CSRP2: variants seen among roughly 807,000 people sequenced by gnomAD.
CSRP2 encodes cysteine and glycine-rich protein 2.
A neutral mutation model predicts 24.6 loss-of-function variants in CSRP2; 18 were observed. The ratio of observed to expected loss-of-function variants is 0.73; its 90% CI spans 0.51 to 1.09. CSRP2 has a LOEUF of 1.09. Ranked by LOEUF, CSRP2 falls within the 50% of genes least tolerant of loss-of-function variation. CSRP2 has a pLI of 0.00. For missense variants in CSRP2, 215 were observed against 239.4 expected, an observed-to-expected ratio of 0.90 and a Z score of 0.67; for synonymous variants, 87 against 84.3, an observed-to-expected ratio of 1.03 and a Z score of -0.18.
intron 1 of CSRP2, among the ~76,000 whole-genome samples, chr12:76,871,128 A>AT (rs1207332296): frequency 6.6e-6 from 1 of 152,078 alleles, no homozygotes; most frequent in Non-Finnish European, 1.5e-5. Flanking sequence ...CTCCACCGTT[A>AT]TAATAGCTGC....
At chr12:76,868,937 GAAAA>G (rs980686297) in intron 1 of CSRP2, among the ~76,000 whole-genome samples, 38 of 61,276 alleles carry the variant, frequency 6.2e-4, no homozygotes, top group Admixed American at 7.6e-4. Flanking sequence ...CGCCTCAAAA[GAAAA>G]AAAAAAAAAA....
chr12:76,862,555 A>G (rs1953692976), intron 3 of CSRP2: 2 of 343,060 alleles, frequency 5.8e-6, no homozygotes, highest in East Asian at 6.1e-5. Context: ...AAGAAAAAAA[A>G]AAGTGTGTGG....
rs1344696084 is a variant in CSRP2 at position 76,863,246 on chromosome 12, A to G, written c.211T>C (p.Tyr71His). The G allele has an allele frequency of 6.2e-7, 1 of 1,614,266 alleles. No individual in the cohort carries two copies. The change falls in exon 3 of 6, where the codon TAC becomes CAC. Residue 71 changes from tyrosine (Y) to histidine (H), a missense_variant. By Grantham distance (83) the Tyr-to-His change is moderately conservative (BLOSUM62 2). Coordinates refer to ENST00000311083, the MANE Select transcript of CSRP2 (RefSeq NM_001321.3). ...CYGKKYGPKG[Y>H]GYGQGAGTLN... ...GTGCCAGCGCCCTGGCCATAACCGT[A>G]GCCTTTTGGCCCATACTTCTTTCCG...
chr12:76,875,488 A>G (rs1953844120), intron 1 of CSRP2, among the ~76,000 whole-genome samples: 1 of 152,200 alleles, frequency 6.6e-6, no homozygotes, highest in Non-Finnish European at 1.5e-5. Context: ...GATCCCCAAC[A>G]TCTGCCATAG....
At chr12:76,878,216 G>C (rs1953871437) in intron 1 of CSRP2, 2 of 152,186 alleles carry the variant, frequency 1.3e-5, no homozygotes, top group African/African-American at 4.8e-5. Flanking sequence ...TGATTCGCAG[G>C]ACCTGTCGCA....
chr12:76,862,727 A>AT, intron 3 of CSRP2: 1 of 1,314,000 alleles, frequency 7.6e-7, no homozygotes, highest in Admixed American at 3.6e-5. Context: ...TAAGTAAAAA[A>AT]TTTTAAGTTA....
In CSRP2 at chr12:76,859,664, A is replaced by T. The variant is rs777112798; in HGVS notation, c.412-24T>A. ...GGCTGGAAGAGATGAATGTGTCAGC[A>T]TGTTTGAGAGGCCTGTTTCCTACAG... is the stretch of plus-strand genomic sequence containing the variant. On this transcript the variant is annotated intron_variant, in intron 4 of 5. Transcript: ENST00000311083. 1.4e-5 allele frequency: 22 copies of T among 1,577,156 alleles called. No homozygotes were observed. The South Asian group carries it at 2.5e-4, about 18-fold the overall frequency.
chr12:76,877,474 T>TTC (rs1953863363), intron 1 of CSRP2, among the ~76,000 whole-genome samples: 2 of 152,246 alleles, frequency 1.3e-5, no homozygotes, highest in African/African-American at 4.8e-5. Flanking sequence ...AATTATATTT[T>TTC]TGTTCCCTAT....
intron 3 of CSRP2, 78 bp downstream of exon 3, chr12:76,863,098 C>T: frequency 6.6e-7 from 1 of 1,513,730 alleles, no homozygotes; most frequent in Non-Finnish European, 8.9e-7. Context: ...AATCTGGAGA[C>T]TGCCAGGTTC....
At chr12:76,868,385 C>T (rs951288848) in intron 1 of CSRP2, among the ~76,000 whole-genome samples, 1 of 151,710 alleles carries the variant, frequency 6.6e-6, no homozygotes. Flanking sequence ...GCGAGTCTTT[C>T]GCGTGCTGGT....
At chr12:76,859,776 G>A in intron 4 of CSRP2, 136 bp from the exon 5 acceptor site, 3 of 621,688 alleles carry the variant, frequency 4.8e-6, no homozygotes, top group Non-Finnish European at 8.6e-6. Flanking sequence ...CCAATGAGAA[G>A]GCTGAAACCA....
In CSRP2 at chr12:76,863,262, C is replaced by A; in HGVS notation, c.195G>T (p.Lys65Asn). Residue 65 changes from lysine to asparagine, a missense_variant, in exon 3 of 6, where the codon AAG becomes AAT. Physicochemically the swap from Lys to Asn is moderately conservative, Grantham distance 94. Transcript: ENST00000311083. ...CATAACCGTAGCCTTTTGGCCCATACTTCTTTCCGTAGCAGGATTTGCAGT... is the reference window on the plus strand; with the variant it reads ...CATAACCGTAGCCTTTTGGCCCATAATTCTTTCCGTAGCAGGATTTGCAGT... The part of the protein sequence containing the change: ...EIYCKSCYGK[K>N]YGPKGYGYGQ... 1 of 1,614,260 alleles carries A rather than the reference C, an allele frequency of 6.2e-7. No homozygotes were observed. Among genetic ancestry groups the A allele is most frequent in the Non-Finnish European group, 8.5e-7 (1 of 1,180,056 alleles).
At chr12:76,863,828 T>C (rs7308963) in intron 2 of CSRP2, 68,660 of 129,122 alleles carry the variant, frequency 0.53, 15,796 homozygotes, top group East Asian at 0.66. Context: ...CACAACCTAA[T>C]ACAGAACAGA....
At chr12:76,862,528 G>C (rs895707328) in intron 3 of CSRP2, 15 of 231,930 alleles carry the variant, frequency 6.5e-5, no homozygotes, top group African/African-American at 3.4e-4. Context: ...GTGACAGAGT[G>C]AGATTCTGTG....
chr12:76,877,968 C>A lies in CSRP2; in HGVS notation c.-2+970G>T, dbSNP rs1250036355. Among the ~76,000 whole-genome samples, 349 of 119,126 alleles carry A rather than the reference C, an allele frequency of 2.9e-3. 3 individuals are homozygous for A. Among genetic ancestry groups the A allele is most frequent in the African/African-American group, 0.011 (343 of 32,402 alleles). 78.2% of individuals were successfully genotyped at this position (119,126 alleles called of 152,430 possible). The stretch of plus-strand genomic sequence containing the variant: ...ATTACTAACTGCCCCCGCCCCACCC[C>A]CCCACCCCCCAAAAAAAATTCTGTA... On this transcript the variant is annotated intron_variant, in intron 1 of 5. Transcript: ENST00000311083.
intron 3 of CSRP2, chr12:76,861,846 A>G (rs1953684334): frequency 6.6e-6 from 1 of 152,242 alleles, no homozygotes; most frequent in South Asian, 2.1e-4. Flanking sequence ...CAGAATGAAG[A>G]TAAATGTTCA....
Position 76,859,346 on chromosome 12 carries a change from G to A in CSRP2, c.505+201C>T, listed in dbSNP as rs181746697. 11 of 598,524 alleles carry A rather than the reference G, an allele frequency of 1.8e-5. No individual in the cohort carries two copies. In the Admixed American group the frequency reaches 3.3e-4, roughly 18 times the overall value. 37.1% of individuals were successfully genotyped at this position (598,524 alleles called of 1,614,324 possible). A position where few individuals can be genotyped will look rare whatever the true frequency, so the allele number is the denominator to read the frequency against. ...TGAAGGCAAAAGATGGCTATTTGTG[G>A]TGTTTTTATCTGGTGGGGAGTTTTA... On this transcript the variant is annotated intron_variant, in intron 5 of 5. Transcript: ENST00000311083.
chr12:76,873,407 C>T (rs1420640060), intron 1 of CSRP2, among the ~76,000 whole-genome samples: 1 of 152,084 alleles, frequency 6.6e-6, no homozygotes. Flanking sequence ...CTTCTGTTAC[C>T]CCAACTACCC....
chr12:76,867,702 G>C (rs1321508787), intron 1 of CSRP2, among the ~76,000 whole-genome samples: 1 of 152,146 alleles, frequency 6.6e-6, no homozygotes, highest in East Asian at 1.9e-4. Flanking sequence ...GCCCTTGCCT[G>C]TTAGGTCTCC....
Sources: gnomAD v4.1 joint callset for allele counts (sites outside exome capture counted in the v4.1 genomes callset) on GRCh38, gnomAD v4.1.1 for gene constraint, MANE v1.5 for transcripts, NCBI Gene and HGNC (gene_info 2026-07-23, HGNC 2026-07-21) for gene names.